The following MAP3K9 variants were observed in gnomAD, a reference collection of about 807,000 sequenced individuals.
MAP3K9 encodes the protein mitogen-activated protein kinase kinase kinase 9, also known as mixed lineage kinase 1 (tyr and ser/thr specificity).
MAP3K9 carries 46 observed loss-of-function variants against 95.8 expected under a neutral mutation model. The ratio of observed to expected loss-of-function variants is 0.48; its 90% CI spans 0.38 to 0.61. The LOEUF (loss-of-function observed/expected upper bound fraction) is 0.61. Among genes scored for constraint, MAP3K9 ranks in the 20% least tolerant of loss-of-function variants. The pLI is 0.00. For synonymous variants in MAP3K9, 533 were observed against 593.8 expected (o/e 0.90, Z 1.49); for missense variants, 1,296 against 1,474.3 (o/e 0.88, Z 1.98).
At position 70,748,689 on chromosome 14, in the gene MAP3K9, C is replaced by A. The variant is rs1234836265; in HGVS notation, c.1326+140G>T. The A allele has an allele frequency of 1.3e-5, 8 of 630,830 alleles. No homozygotes were observed. In the African/African-American group the frequency reaches 1.3e-4, roughly 10 times the overall value. The allele number at this position is 630,830 out of a possible 1,614,324, so 39.1% of individuals were successfully genotyped here. On this transcript the variant is annotated intron_variant, in intron 5 of 11. Transcript: ENST00000554752. ...CTGGTTTGGACAATTAAGTAGATAC[C>A]AAGCTGGAAGGTGGGCATGCTAGAA...
In MAP3K9 at chr14:70,723,760, CA is replaced by C. The variant is rs1222449684; in HGVS notation, c.*6619del. 2.6e-5 allele frequency: 4 copies of C among 152,210 alleles called. No individual in the cohort carries two copies. The highest frequency in any genetic ancestry group is 4.8e-5 in the African/African-American group (2 of 41,526). 9.4% of individuals were successfully genotyped at this position (152,210 alleles called of 1,614,324 possible). A position where few individuals can be genotyped will look rare whatever the true frequency, so the allele number is the denominator to read the frequency against. Reference sequence around the variant, plus strand: ...AGTCAAAAATTATATATATATGAATCACTAGGACAGCACCGCCCCCCACGTG... The same window carrying C: ...AGTCAAAAATTATATATATATGAATCCTAGGACAGCACCGCCCCCCACGTG... On this transcript the variant is annotated 3_prime_UTR_variant, in exon 12 of 12. Transcript: ENST00000554752.
Position 70,730,299 on chromosome 14 carries a change from C to T in MAP3K9, c.*81G>A. Reference sequence around the variant, plus strand: ...AAGTAGGGCTGGATCTCAGGGGGTCCAACCCTGAGAAAGGGCTGTGCCCGC... The same window carrying T: ...AAGTAGGGCTGGATCTCAGGGGGTCTAACCCTGAGAAAGGGCTGTGCCCGC... On this transcript the variant is annotated 3_prime_UTR_variant, in exon 12 of 12. Transcript: ENST00000554752. 1.3e-6 allele frequency: 2 copies of T among 1,527,100 alleles called. No individual in the cohort carries two copies. The highest frequency in any genetic ancestry group is 1.8e-6 in the Non-Finnish European group (2 of 1,133,372). The allele number at this position is 1,527,100 out of a possible 1,614,324, so 94.6% of individuals were successfully genotyped here.
intron 5 of MAP3K9, among the ~76,000 whole-genome samples, chr14:70,744,341 AAAAT>A (rs1285310013): frequency 1.3e-5 from 2 of 152,184 alleles, no homozygotes; most frequent in Non-Finnish European, 2.9e-5. Context: ...AGTATAATTA[AAAAT>A]AAATAAATAG....
At chr14:70,743,928 C>T (rs2054111614) in intron 5 of MAP3K9, among the ~76,000 whole-genome samples, 1 of 152,204 alleles carries the variant, frequency 6.6e-6, no homozygotes, top group Admixed American at 6.5e-5. Flanking sequence ...CGGCACTATT[C>T]ACAATAGCAA....
intron 2 of MAP3K9, among the ~76,000 whole-genome samples, chr14:70,792,016 A>G (rs1311128683): frequency 2.0e-5 from 3 of 152,244 alleles, no homozygotes; most frequent in Non-Finnish European, 4.4e-5. Context: ...AGGACTTGCA[A>G]GTCAGATCTC....
At chr14:70,776,198 A>T (rs2054596335) in intron 2 of MAP3K9, among the ~76,000 whole-genome samples, 1 of 152,164 alleles carries the variant, frequency 6.6e-6, no homozygotes, top group South Asian at 2.1e-4. Flanking sequence ...CAAAATAAAT[A>T]AATAAATAAA....
chr14:70,730,267 G>C lies in MAP3K9; in HGVS notation c.*113C>G. On this transcript the variant is annotated 3_prime_UTR_variant, in exon 12 of 12. Transcript: ENST00000554752. ...CTTCCATCTTCAAAGTGCATTATCA[G>C]TGCAAGAAGTAGGGCTGGATCTCAG... The C allele has an allele frequency of 2.8e-6, 4 of 1,440,388 alleles. No homozygotes were observed. Among genetic ancestry groups the C allele is most frequent in the Non-Finnish European group, 3.7e-6 (4 of 1,070,598 alleles). The allele number at this position is 1,440,388 out of a possible 1,614,324, so 89.2% of individuals were successfully genotyped here.
chr14:70,781,078 T>G (rs75088392), intron 2 of MAP3K9, among the ~76,000 whole-genome samples: 1,824 of 152,298 alleles, frequency 0.012, 48 homozygotes, highest in African/African-American at 0.042. Context: ...CTTTTCCCAC[T>G]GAGAGGTGGG....
chr14:70,757,850 T>A (rs2054317593), intron 3 of MAP3K9, among the ~76,000 whole-genome samples: 1 of 152,068 alleles, frequency 6.6e-6, no homozygotes, highest in African/African-American at 2.4e-5. Flanking sequence ...AATAGCCACA[T>A]GAAAAATAAT....
chr14:70,784,049 C>T (rs200839131), intron 2 of MAP3K9, among the ~76,000 whole-genome samples: 2 of 152,068 alleles, frequency 1.3e-5, no homozygotes, highest in South Asian at 4.1e-4. Context: ...TTTGGGAGGC[C>T]GAGGCAGGCA....
At position 70,730,761 on chromosome 14, in the gene MAP3K9, C is replaced by T. The variant is rs374751641; in HGVS notation, c.2934G>A (p.Gln978=). The T allele has an allele frequency of 6.2e-7, 1 of 1,613,556 alleles. No homozygotes were observed. Among genetic ancestry groups the T allele is most frequent in the Non-Finnish European group, 8.5e-7 (1 of 1,179,980 alleles). Residue 978 remains glutamine (Q), a synonymous_variant, in exon 12 of 12, where the codon CAG becomes CAA. Coordinates refer to ENST00000554752, the MANE Select transcript of MAP3K9 (RefSeq NM_001284230.2). The part of the protein sequence containing the change: ...FPPTPRRWNT[Q]QDSTLERPKT... ...TGGGTCTCTCCAAGGTAGAGTCCTG[C>T]TGAGTGTTCCAGCGCCTTGGGGTTG...
At chr14:70,801,487 A>G (rs2054929868) in intron 1 of MAP3K9, among the ~76,000 whole-genome samples, 1 of 152,140 alleles carries the variant, frequency 6.6e-6, no homozygotes, top group Non-Finnish European at 1.5e-5. Context: ...CCTGAGCTCA[A>G]GCAATCCTCC....
At chr14:70,788,571 T>C (rs2054772652) in intron 2 of MAP3K9, among the ~76,000 whole-genome samples, 1 of 152,188 alleles carries the variant, frequency 6.6e-6, no homozygotes, top group Non-Finnish European at 1.5e-5. Context: ...TCACCCACAG[T>C]TCACATGGGC....
chr14:70,735,990 G>A lies in MAP3K9; in HGVS notation c.1884C>T (p.Thr628=), dbSNP rs751840147. The change falls in exon 9 of 12, where the codon ACC becomes ACT. Residue 628 remains threonine, a synonymous_variant. Transcript: ENST00000554752. Reference sequence around the variant, plus strand: ...AGTGGAAATGTGGAGATTCTGATGGGGTACTTAAACCATTAGCTTTCTCAC... The same window carrying A: ...AGTGGAAATGTGGAGATTCTGATGGAGTACTTAAACCATTAGCTTTCTCAC... ...QRREKANGLS[T]PSESPHFHLG... 12 of 1,613,412 alleles carry A rather than the reference G, an allele frequency of 7.4e-6. No homozygotes were observed. In the African/African-American group the frequency reaches 1.5e-4, roughly 20 times the overall value.
At chr14:70,754,933 A>G (rs1342924601) in intron 3 of MAP3K9, among the ~76,000 whole-genome samples, 2 of 152,174 alleles carry the variant, frequency 1.3e-5, no homozygotes, top group African/African-American at 4.8e-5. Context: ...AGCCTTCTTG[A>G]GGCAGTCCCC....
At chr14:70,740,782 C>G (rs187756850) in intron 6 of MAP3K9, among the ~76,000 whole-genome samples, 183 of 152,352 alleles carry the variant, frequency 1.2e-3, no homozygotes, top group Admixed American at 2.4e-3. Flanking sequence ...AAATAAACAG[C>G]TGCTGCTTGC....
At chr14:70,765,961 G>A (rs756683189) in intron 2 of MAP3K9, among the ~76,000 whole-genome samples, 4 of 151,974 alleles carry the variant, frequency 2.6e-5, no homozygotes, top group South Asian at 2.1e-4. Flanking sequence ...GAGTCTAGGC[G>A]TAAGTCAATG....
At chr14:70,803,990 T>C (rs76945713) in intron 1 of MAP3K9, among the ~76,000 whole-genome samples, 2,846 of 152,334 alleles carry the variant, frequency 0.019, 38 homozygotes, top group Non-Finnish European at 0.03. Flanking sequence ...GCTGCAGGGA[T>C]TTTTTGCATC....
intron 2 of MAP3K9, among the ~76,000 whole-genome samples, chr14:70,761,777 C>T (rs1284392826): frequency 6.6e-6 from 1 of 152,156 alleles, no homozygotes; most frequent in African/African-American, 2.4e-5. Context: ...ATCCACATAA[C>T]ATAAAATTAA....
Sources: gnomAD v4.1 joint callset for allele counts (sites outside exome capture counted in the v4.1 genomes callset) on GRCh38, gnomAD v4.1.1 for gene constraint, MANE v1.5 for transcripts, NCBI Gene and HGNC (gene_info 2026-07-23, HGNC 2026-07-21) for gene names.